The following HINT2 variants were observed in gnomAD, a reference collection of about 807,000 sequenced individuals.
The protein encoded by HINT2 is adenosine 5'-monophosphoramidase HINT2.
In HINT2, 17 loss-of-function variants were observed where a neutral mutation model predicts 20.0. The ratio of observed to expected loss-of-function variants is 0.85; its 90% CI spans 0.58 to 1.27. The LOEUF (loss-of-function observed/expected upper bound fraction) is 1.27. Ranked by LOEUF, HINT2 falls within the 50% of genes most tolerant of loss-of-function variation. HINT2 has a pLI of 0.00. For synonymous variants in HINT2, 96 were observed against 84.2 expected (o/e 1.14, Z -0.77); for missense variants, 217 against 211.9 (o/e 1.02, Z -0.15).
At chr9:35,815,069 G>T (rs1466394668), upstream of HINT2, 5 of 1,208,962 alleles carry the variant, frequency 4.1e-6, no homozygotes, top group East Asian at 6.4e-5. Context: ...GGGAAGCGGG[G>T]TAGTGGCGGC....
intron 2 of HINT2, 40 bp from the exon 3 acceptor site, chr9:35,813,589 A>G: frequency 6.2e-7 from 1 of 1,614,044 alleles, no homozygotes; most frequent in East Asian, 2.2e-5. Context: ...TTACTTCAAC[A>G]GGTTGGATGG....
At chr9:35,814,519 A>G (rs1304840789) in intron 1 of HINT2, 1 of 195,440 alleles carries the variant, frequency 5.1e-6, no homozygotes, top group Non-Finnish European at 1.0e-5. Context: ...TGGCAAGTGC[A>G]GAAGAGAGGT....
chr9:35,815,036 C>T lies in HINT2; in HGVS notation c.-57G>A. The stretch of plus-strand genomic sequence containing the variant: ...GTCAGCACTCGGCTCCGCGGCCGGC[C>T]GTGGGTGGGGACTCCGGGCGCGGGG... On this transcript the variant is annotated 5_prime_UTR_variant, in exon 1 of 5. Transcript: ENST00000259667. 2 of 1,346,502 alleles carry T rather than the reference C, an allele frequency of 1.5e-6. No homozygotes were observed. Among genetic ancestry groups the T allele is most frequent in the Non-Finnish European group, 1.9e-6 (2 of 1,049,088 alleles). 83.4% of individuals were successfully genotyped at this position (1,346,502 alleles called of 1,614,324 possible). A position where few individuals can be genotyped will look rare whatever the true frequency, so the allele number is the denominator to read the frequency against.
In HINT2 at chr9:35,814,973, C is replaced by T; in HGVS notation, c.7G>A (p.Ala3Thr). The change falls in exon 1 of 5, where the codon GCA becomes ACA. Residue 3 changes from alanine to threonine, a missense_variant. Transcript: ENST00000259667. MAAAVVLAAGLRA... is the reference protein window; with the variant it reads MATAVVLAAGLRA... ...AACCCAGCAGCCAGCACCACGGCTG[C>T]CGCCATCTTCCCTGAGCCGCGGGAA... The T allele has an allele frequency of 6.8e-7, 1 of 1,473,150 alleles. No individual in the cohort carries two copies. Among genetic ancestry groups the T allele is most frequent in the Non-Finnish European group, 8.9e-7 (1 of 1,119,514 alleles). 91.3% of individuals were successfully genotyped at this position (1,473,150 alleles called of 1,614,324 possible).
intron 1 of HINT2, chr9:35,814,379 T>C (rs908397485): frequency 1.9e-5 from 3 of 154,708 alleles, no homozygotes; most frequent in African/African-American, 7.2e-5. Context: ...GAGGTAAGAG[T>C]TCAGCTAAGT....
chr9:35,815,054 G>A (rs1312391441), upstream of HINT2: 4 of 1,286,472 alleles, frequency 3.1e-6, no homozygotes, highest in Non-Finnish European at 4.0e-6. Flanking sequence ...GGGACTCCGG[G>A]CGCGGGGAAG....
Position 35,813,628 on chromosome 9 carries a change from C to A in HINT2, c.222+16G>T. The A allele has an allele frequency of 6.2e-7, 1 of 1,614,068 alleles. No homozygotes were observed. ...CTACAACATTCCTAAGGGGATAGGTCCTAAGAGCACCCCACCTGCTGGTCC... is the reference window on the plus strand; with the variant it reads ...CTACAACATTCCTAAGGGGATAGGTACTAAGAGCACCCCACCTGCTGGTCC... On this transcript the variant is annotated intron_variant, in intron 2 of 4. Coordinates refer to ENST00000259667, the MANE Select transcript of HINT2 (RefSeq NM_032593.3).
At position 35,813,445 on chromosome 9, in the gene HINT2, C is replaced by T. The variant is rs1828911336; in HGVS notation, c.327G>A (p.Gln109=). The change falls in exon 3 of 5, where the codon CAG becomes CAA. Residue 109 remains glutamine (Q), a splice_region_variant and synonymous_variant. Transcript: ENST00000259667. ...RISQAEEEDQ[Q]LLGHLLLVAK... ...CAAACCCTGGCCCTGTTCTTCCCAC[C>T]TGCTGGTCTTCTTCTTCAGCCTGGC... 6.2e-7 allele frequency: 1 copy of T among 1,614,160 alleles called. No individual in the cohort carries two copies. Among genetic ancestry groups the T allele is most frequent in the Non-Finnish European group, 8.5e-7 (1 of 1,179,970 alleles).
intron 1 of HINT2, 182 bp from the exon 2 acceptor site, chr9:35,813,966 C>T (rs1828940226): frequency 1.6e-6 from 1 of 626,900 alleles, no homozygotes; most frequent in Non-Finnish European, 2.8e-6. Flanking sequence ...AGATAACAGG[C>T]GGTATTATTA....
intron 1 of HINT2, chr9:35,814,351 T>A (rs2132126731): frequency 6.4e-6 from 1 of 155,084 alleles, no homozygotes; most frequent in African/African-American, 2.4e-5. Context: ...ATTTTAACTC[T>A]TGTCCCTTGA....
In HINT2 at chr9:35,813,347, A is replaced by AGAGCGGAGGGACATAGGT; in HGVS notation, c.328-27_328-10dup. 1 of 1,613,376 alleles carries AGAGCGGAGGGACATAGGT rather than the reference A, an allele frequency of 6.2e-7. No homozygotes were observed. Among genetic ancestry groups the AGAGCGGAGGGACATAGGT allele is most frequent in the South Asian group, 1.1e-5 (1 of 91,060 alleles). Reference sequence around the variant, plus strand: ...AGTAGGTGTCCTAGAAGCTATAGAGAGAGCGGAGGGACATAGGTGGCTTCA... The same window carrying AGAGCGGAGGGACATAGGT: ...AGTAGGTGTCCTAGAAGCTATAGAGAGAGCGGAGGGACATAGGTGAGCGGAGGGACATAGGTGGCTTCA... On this transcript the variant is annotated splice_polypyrimidine_tract_variant and intron_variant, in intron 3 of 4. Coordinates refer to ENST00000259667, the MANE Select transcript of HINT2 (RefSeq NM_032593.3).
At chr9:35,814,762 C>T in intron 1 of HINT2, 137 bp downstream of exon 1, 4 of 725,190 alleles carry the variant, frequency 5.5e-6, no homozygotes, top group Middle Eastern at 3.6e-4. Context: ...CACCACACAG[C>T]CCCGGAGCTT....
rs751566903 is a variant in HINT2 at position 35,813,131 on chromosome 9, T to A, written c.415A>T (p.Lys139Ter). Reference sequence around the variant, plus strand: ...TGATACACAGATTGTGCACCCAGCTTCCCATCGTTGATCACTGAAATTGAG... The same window carrying A: ...TGATACACAGATTGTGCACCCAGCTACCCATCGTTGATCACTGAAATTGAG... The part of the protein sequence containing the change: ...DGYRLVINDG[K>*]LGAQSVYHLH... The change falls in exon 5 of 5, where the codon AAG becomes TAG. Residue 139 changes from lysine (K) to a stop codon, truncating the protein, a stop_gained. Transcript: ENST00000259667. LOFTEE classifies it high-confidence loss of function. 78 of 1,614,078 alleles carry A rather than the reference T, an allele frequency of 4.8e-5. No homozygotes were observed. Among genetic ancestry groups the A allele is most frequent in the Non-Finnish European group, 6.0e-5 (71 of 1,180,032 alleles).
chr9:35,813,677 G>C lies in HINT2; in HGVS notation c.189C>G (p.Ser63Arg), dbSNP rs370925110. The change falls in exon 2 of 5, where the codon AGC becomes AGG. Residue 63 changes from serine (S) to arginine (R), a missense_variant. Coordinates refer to ENST00000259667, the MANE Select transcript of HINT2 (RefSeq NM_032593.3). ...PTIFSRILDK[S>R]LPADILYEDQ... ...CCTCATAGAGAATGTCAGCTGGGAG[G>C]CTCTTGTCCAGGATCCGGGAGAAGA... The C allele has an allele frequency of 9.9e-6, 16 of 1,614,172 alleles. No individual in the cohort carries two copies. The highest frequency in any genetic ancestry group is 1.1e-5 in the Non-Finnish European group (13 of 1,180,028).
Position 35,813,645 on chromosome 9 carries a change from T to C in HINT2, c.221A>G (p.Gln74Arg). 1 of 1,614,218 alleles carries C rather than the reference T, an allele frequency of 6.2e-7. No homozygotes were observed. Among genetic ancestry groups the C allele is most frequent in the South Asian group, 1.1e-5 (1 of 91,088 alleles). The change falls in exon 2 of 5, where the codon CAG becomes CGG. Residue 74 changes from glutamine to arginine, a missense_variant and splice_region_variant. Coordinates refer to ENST00000259667, the MANE Select transcript of HINT2 (RefSeq NM_032593.3). ...GGATAGGTCCTAAGAGCACCCCACC[T>C]GCTGGTCCTCATAGAGAATGTCAGC... ...LPADILYEDQ[Q>R]CLVFRDVAPQ...
At chr9:35,814,523 G>A (rs57739196) in intron 1 of HINT2, 288 of 205,480 alleles carry the variant, frequency 1.4e-3, no homozygotes, top group African/African-American at 6.3e-3. Context: ...AAGTGCAGAA[G>A]AGAGGTTAAC....
chr9:35,815,113 T>G (rs1828989176), upstream of HINT2: 2 of 804,950 alleles, frequency 2.5e-6, no homozygotes, highest in East Asian at 6.8e-5. Flanking sequence ...GGAGCGCGCC[T>G]CTGAGCACGA....
At position 35,813,303 on chromosome 9, in the gene HINT2, T is replaced by C; in HGVS notation, c.363A>G (p.Thr121=). ...CATCTCCCAGGCCCTCAGCCTTTGC[T>C]GTCTGCTTGGCCACAAGGAGTAGGT... ...LGHLLLVAKQ[T]AKAEGLGDGY... is the part of the protein sequence containing the mutation. The change falls in exon 4 of 5, where the codon ACA becomes ACG. Residue 121 remains threonine (T), a synonymous_variant. Coordinates refer to ENST00000259667, the MANE Select transcript of HINT2 (RefSeq NM_032593.3). 6.2e-7 allele frequency: 1 copy of C among 1,614,196 alleles called. No homozygotes were observed. Among genetic ancestry groups the C allele is most frequent in the South Asian group, 1.1e-5 (1 of 91,090 alleles).
At chr9:35,815,100 A>C, upstream of HINT2, 1 of 911,570 alleles carries the variant, frequency 1.1e-6, no homozygotes, top group African/African-American at 1.8e-5. Flanking sequence ...CTGCTACCCC[A>C]TTGGAGCGCG....
Sources: gnomAD v4.1 joint callset for allele counts on GRCh38, gnomAD v4.1.1 for gene constraint, MANE v1.5 for transcripts, NCBI Gene and HGNC (gene_info 2026-07-23, HGNC 2026-07-21) for gene names.